The following PCDHGB6 variants were observed in gnomAD, a reference collection of about 807,000 sequenced individuals.
PCDHGB6 encodes the protein protocadherin gamma subfamily B, 6.
A neutral mutation model predicts 59.1 loss-of-function variants in PCDHGB6; 51 were observed. That is an observed-to-expected ratio of 0.86 (90% confidence interval 0.69 to 1.09). PCDHGB6 has a LOEUF of 1.09. Ranked by LOEUF, PCDHGB6 falls within the 50% of genes least tolerant of loss-of-function variation. PCDHGB6 has a pLI of 0.00. For missense variants in PCDHGB6, 1,148 were observed against 1,205.1 expected, an observed-to-expected ratio of 0.95 and a Z score of 0.70; for synonymous variants, 466 against 495.1, an observed-to-expected ratio of 0.94 and a Z score of 0.78.
chr5:141,506,115 T>C (rs1211973354), intron 3 of PCDHGB6, among the ~76,000 whole-genome samples: 1 of 152,062 alleles, frequency 6.6e-6, no homozygotes, highest in Admixed American at 6.5e-5. Context: ...GAAGAGTCAC[T>C]AGGGCCCAGA....
intron 1 of PCDHGB6, chr5:141,426,432 C>A (rs1239073805): frequency 1.0e-5 from 3 of 295,812 alleles, no homozygotes; most frequent in South Asian, 3.3e-5. Flanking sequence ...TGGTGGGGAA[C>A]CTTGCGGAGG....
At position 141,408,914 on chromosome 5, in the gene PCDHGB6, A is replaced by C; in HGVS notation, c.712A>C (p.Asn238His). The C allele has an allele frequency of 6.2e-7, 1 of 1,613,446 alleles. No individual in the cohort carries two copies. The highest frequency in any genetic ancestry group is 8.5e-7 in the Non-Finnish European group (1 of 1,179,714). ...IEISVKDTND[N>H]PPVFSRDEYR... ...AATTTCTGTCAAGGATACCAATGAT[A>C]ACCCCCCGGTTTTCAGCAGAGACGA... The change falls in exon 1 of 4, where the codon AAC becomes CAC. Residue 238 changes from asparagine (N) to histidine (H), a missense_variant. This residue lies in a region of PCDHGB6 where 307 missense variants were observed against 323.8 expected (regional missense o/e 0.95). Transcript: ENST00000520790.
Position 141,491,648 on chromosome 5 carries a change from T to A in PCDHGB6, c.2419-3159T>A. 6.2e-7 allele frequency: 1 copy of A among 1,613,834 alleles called. No individual in the cohort carries two copies. Among genetic ancestry groups the A allele is most frequent in the Non-Finnish European group, 8.5e-7 (1 of 1,180,002 alleles). ...GTTCAGCAGCCCACAGCTCTGGCGC[T>A]GGAGCCTGACGCCATCCGGTCCCGC... On this transcript the variant is annotated intron_variant, in intron 1 of 3. Transcript: ENST00000520790. This position sits in a 1 kb window ranked among gnomAD's most constrained non-coding sequence, Gnocchi z 6.9.
chr5:141,501,500 C>G (rs1385290676), intron 2 of PCDHGB6, among the ~76,000 whole-genome samples: 1 of 151,934 alleles, frequency 6.6e-6, no homozygotes, highest in Non-Finnish European at 1.5e-5. Context: ...GCTGCTGGGG[C>G]TCCAAGGCCT....
At chr5:141,427,006 G>C (rs1288837425) in intron 1 of PCDHGB6, 3 of 456,792 alleles carry the variant, frequency 6.6e-6, no homozygotes, top group South Asian at 3.1e-5. Flanking sequence ...CCAGTTTTTA[G>C]CCAGGATGTA....
intron 1 of PCDHGB6, chr5:141,417,908 C>G (rs1255727429): frequency 6.3e-7 from 1 of 1,597,500 alleles, no homozygotes; most frequent in Non-Finnish European, 8.5e-7. Context: ...GCGGCAGGTA[C>G]TATTTCCTTT....
chr5:141,425,934 G>A lies in PCDHGB6; in HGVS notation c.2418+15314G>A, dbSNP rs1237431530. Among the ~76,000 whole-genome samples, 4 of 152,352 alleles carry A rather than the reference G, an allele frequency of 2.6e-5. 1 individual carries two copies. Among genetic ancestry groups the A allele is most frequent in the East Asian group, 1.9e-4 (1 of 5,188 alleles). On this transcript the variant is annotated intron_variant, in intron 1 of 3. Coordinates refer to ENST00000520790, the MANE Select transcript of PCDHGB6 (RefSeq NM_018926.3). ...CAGTCACTACGAAAACTCATAAAAT[G>A]TCTAGTTTCCTATACATTAGTCCAA...
intron 1 of PCDHGB6, among the ~76,000 whole-genome samples, chr5:141,435,225 A>G (rs919735003): frequency 5.9e-5 from 9 of 152,188 alleles, no homozygotes; most frequent in Non-Finnish European, 1.2e-4. Context: ...CTTTCTTTCA[A>G]AGTTCAGTAA....
intron 1 of PCDHGB6, among the ~76,000 whole-genome samples, chr5:141,460,120 A>C (rs1404213559): frequency 1.3e-5 from 2 of 151,956 alleles, no homozygotes; most frequent in Non-Finnish European, 2.9e-5. Flanking sequence ...ATTTTTATAT[A>C]TGTAATATAT....
intron 1 of PCDHGB6, among the ~76,000 whole-genome samples, chr5:141,479,077 A>G (rs1393042749): frequency 6.6e-6 from 1 of 152,224 alleles, no homozygotes; most frequent in Non-Finnish European, 1.5e-5. Context: ...ATGAAATGAA[A>G]TTCCAGGCAT....
chr5:141,500,574 G>A (rs2099801457), intron 2 of PCDHGB6, among the ~76,000 whole-genome samples: 1 of 152,164 alleles, frequency 6.6e-6, no homozygotes, highest in African/African-American at 2.4e-5. Context: ...ACACTTTCAT[G>A]TGACACTTTA....
intron 1 of PCDHGB6, among the ~76,000 whole-genome samples, chr5:141,488,087 G>A (rs1479773288): frequency 6.6e-6 from 1 of 152,198 alleles, no homozygotes; most frequent in East Asian, 1.9e-4. Flanking sequence ...CTAGTACACT[G>A]TGAAGGGACC....
intron 1 of PCDHGB6, chr5:141,424,460 C>T (rs2096822106): frequency 6.6e-6 from 1 of 152,056 alleles, no homozygotes; most frequent in African/African-American, 2.4e-5. Context: ...GTATTATTTC[C>T]TTTTATTCTT....
At chr5:141,428,400 G>C (rs373595231) in intron 1 of PCDHGB6, 4 of 483,290 alleles carry the variant, frequency 8.3e-6, no homozygotes, top group African/African-American at 2.0e-5. Flanking sequence ...CCTCTGCCTG[G>C]GGTTGCTTTC....
chr5:141,511,391 C>G lies in PCDHGB6; in HGVS notation c.*218C>G. ...TGCAAAAGCAGTTCCGCTGGGAACC[C>G]CCATCCAATCAACTGCTGTACCCAT... is the stretch of plus-strand genomic sequence containing the variant. On this transcript the variant is annotated 3_prime_UTR_variant, in exon 4 of 4. Coordinates refer to ENST00000520790, the MANE Select transcript of PCDHGB6 (RefSeq NM_018926.3). 2.8e-6 allele frequency: 3 copies of G among 1,079,748 alleles called. No homozygotes were observed. The highest frequency in any genetic ancestry group is 3.3e-5 in the South Asian group (2 of 60,136). The allele number at this position is 1,079,748 out of a possible 1,614,324, so 66.9% of individuals were successfully genotyped here. A position where few individuals can be genotyped will look rare whatever the true frequency, so the allele number is the denominator to read the frequency against.
rs564486909 is a variant in PCDHGB6, at chr5:141,428,072, G to C, written c.2418+17452G>C. ...AGGTGGTGGCGGTGGACGCAGATTC[G>C]GGACACAACGCTTGGCTGTCCTACC... is the stretch of plus-strand genomic sequence containing the variant. On this transcript the variant is annotated intron_variant, in intron 1 of 3. Transcript: ENST00000520790. 5 of 1,609,080 alleles carry C rather than the reference G, an allele frequency of 3.1e-6. 1 individual carries two copies. The South Asian group carries it at 5.5e-5, about 18-fold the overall frequency.
At chr5:141,413,763 G>A (rs964376306) in intron 1 of PCDHGB6, 6 of 1,612,814 alleles carry the variant, frequency 3.7e-6, no homozygotes, top group Non-Finnish European at 5.1e-6. Context: ...TCAAGTACCC[G>A]GAGCTGGTAC....
At chr5:141,411,417 C>T (rs2095487286) in intron 1 of PCDHGB6, 1 of 148,614 alleles carries the variant, frequency 6.7e-6, no homozygotes, top group Non-Finnish European at 1.5e-5. Context: ...ACTAAAACAA[C>T]AACAACAAAA....
At chr5:141,507,442 C>T (rs748782097) in intron 3 of PCDHGB6, among the ~76,000 whole-genome samples, 1 of 152,162 alleles carries the variant, frequency 6.6e-6, no homozygotes, top group African/African-American at 2.4e-5. Flanking sequence ...CTACAGCTGA[C>T]GGAAGGACAG....
Sources: gnomAD v4.1 joint callset for allele counts (sites outside exome capture counted in the v4.1 genomes callset) on GRCh38, gnomAD v4.1.1 for gene constraint, gnomAD v4.1.1 regional missense constraint, Gnocchi (gnomAD v3.1) non-coding constraint, MANE v1.5 for transcripts, NCBI Gene and HGNC (gene_info 2026-07-23, HGNC 2026-07-21) for gene names.